Variants in BRINP3 observed in about 807,000 individuals in gnomAD.
The protein encoded by BRINP3 is BMP/retinoic acid-inducible neural-specific protein 3.
BRINP3 carries 19 observed loss-of-function variants against 71.0 expected under a neutral mutation model. The ratio of observed to expected loss-of-function variants is 0.27; its 90% CI spans 0.19 to 0.39. The LOEUF (loss-of-function observed/expected upper bound fraction) is 0.39, where lower values mean the gene tolerates loss of function less well. BRINP3 is among the 10% of genes least tolerant of loss of function. BRINP3 has a pLI of 1.00. For synonymous variants in BRINP3, 380 were observed against 337.7 expected (o/e 1.13, Z -1.37); for missense variants, 959 against 940.8 (o/e 1.02, Z -0.25).
chr1:190,353,725 T>C (rs1480140795), intron 2 of BRINP3, among the ~76,000 whole-genome samples: 2 of 151,944 alleles, frequency 1.3e-5, no homozygotes, highest in Non-Finnish European at 2.9e-5. Context: ...AAACCTCAAC[T>C]TATTGTCACT....
rs879602676 is a variant in BRINP3 at position 190,226,259 on chromosome 1, A to G, written c.784T>C (p.Tyr262His). The G allele has an allele frequency of 7.4e-6, 12 of 1,611,870 alleles. No homozygotes were observed. Among genetic ancestry groups the G allele is most frequent in the South Asian group, 2.2e-5 (2 of 90,890 alleles). Residue 262 changes from tyrosine (Y) to histidine (H), a missense_variant, in exon 6 of 8, where the codon TAC (tyrosine) becomes CAC (histidine). Tyr to His is a moderately conservative substitution (Grantham distance 83). Transcript: ENST00000367462. The part of the protein sequence containing the change: ...QERFVQAALS[Y>H]IACNSEGEFI... ...TCTCCCTCTGAATTGCAAGCAATGT[A>G]GCTCAAAGCTGCTTGTACAAAACGT...
intron 2 of BRINP3, among the ~76,000 whole-genome samples, chr1:190,378,707 A>G (rs868356926): frequency 6.6e-6 from 1 of 152,206 alleles, no homozygotes; most frequent in Admixed American, 6.5e-5. Flanking sequence ...AGTTCTATCC[A>G]GTAAATTTTT....
chr1:190,221,969 AG>A (rs1656930282), intron 6 of BRINP3, among the ~76,000 whole-genome samples: 1 of 152,058 alleles, frequency 6.6e-6, no homozygotes, highest in African/African-American at 2.4e-5. Flanking sequence ...AAATAACAGC[AG>A]GGGAATTTAA....
At position 190,226,064 on chromosome 1, in the gene BRINP3, T is replaced by C. The variant is rs372241341; in HGVS notation, c.961+18A>G. 2.7e-6 allele frequency: 4 copies of C among 1,460,994 alleles called. No individual in the cohort carries two copies. The highest frequency in any genetic ancestry group is 2.9e-5 in the African/African-American group (2 of 69,198). 90.5% of individuals were successfully genotyped at this position (1,460,994 alleles called of 1,614,324 possible). A position where few individuals can be genotyped will look rare whatever the true frequency, so the allele number is the denominator to read the frequency against. On this transcript the variant is annotated intron_variant, in intron 6 of 7. Coordinates refer to ENST00000367462, the MANE Select transcript of BRINP3 (RefSeq NM_199051.3). ...TTTGTCAATATTTAAAAGTGTTATA[T>C]TAAAATACATGTCTTACCTGATTCC... is the stretch of plus-strand genomic sequence containing the variant.
chr1:190,106,899 AT>A lies in BRINP3; in HGVS notation c.1185-7766del, dbSNP rs373604358. On this transcript the variant is annotated intron_variant, in intron 7 of 7. Coordinates refer to ENST00000367462, the MANE Select transcript of BRINP3 (RefSeq NM_199051.3). ...ACCTGAAAACAAATGAAATTGTATA[AT>A]TTAAATAATTTAATGAAATTTTAGT... Among the ~76,000 whole-genome samples, 587 of 151,998 alleles carry A rather than the reference AT, an allele frequency of 3.9e-3. 2 individuals carry two copies. Among genetic ancestry groups the A allele is most frequent in the Non-Finnish European group, 6.8e-3 (462 of 67,816 alleles).
chr1:190,165,311 C>G (rs1398292840), intron 6 of BRINP3, among the ~76,000 whole-genome samples: 1 of 150,564 alleles, frequency 6.6e-6, no homozygotes, highest in African/African-American at 2.4e-5. Context: ...GTGCTCATAA[C>G]AAATTCTAGT....
At chr1:190,449,405 G>A (rs1029345863) in intron 2 of BRINP3, among the ~76,000 whole-genome samples, 2 of 151,912 alleles carry the variant, frequency 1.3e-5, no homozygotes, top group Non-Finnish European at 2.9e-5. Flanking sequence ...TCATGAAGAG[G>A]TAATCTCTCC....
intron 3 of BRINP3, among the ~76,000 whole-genome samples, chr1:190,277,124 T>TATA (rs1317037411): frequency 2.3e-5 from 3 of 132,722 alleles, no homozygotes; most frequent in Admixed American, 7.8e-5. Context: ...TATATTTATA[T>TATA]TCAGAAAAGA....
At chr1:190,423,909 G>A (rs888435135) in intron 2 of BRINP3, among the ~76,000 whole-genome samples, 8 of 151,566 alleles carry the variant, frequency 5.3e-5, no homozygotes, top group East Asian at 3.9e-4. Flanking sequence ...TAAGCAATGC[G>A]AAGCAAGTTT....
intron 1 of BRINP3, among the ~76,000 whole-genome samples, chr1:190,467,392 C>T (rs916905257): frequency 2.0e-5 from 3 of 151,414 alleles, no homozygotes; most frequent in Admixed American, 2.0e-4. Flanking sequence ...CAGAAGTGAT[C>T]GACAACAAGC....
chr1:190,373,168 T>A (rs1188373340), intron 2 of BRINP3, among the ~76,000 whole-genome samples: 1 of 152,080 alleles, frequency 6.6e-6, no homozygotes, highest in African/African-American at 2.4e-5. Context: ...GGTGGGTTGA[T>A]CGCCTGAGGT....
intron 1 of BRINP3, among the ~76,000 whole-genome samples, chr1:190,469,231 T>G (rs755852348): frequency 2.8e-4 from 43 of 151,114 alleles, no homozygotes; most frequent in Non-Finnish European, 4.5e-4. Context: ...GTCTTCTTCC[T>G]CATTATTGTT....
chr1:190,184,295 A>C (rs767121994), intron 6 of BRINP3, among the ~76,000 whole-genome samples: 6 of 152,198 alleles, frequency 3.9e-5, no homozygotes, highest in Non-Finnish European at 8.8e-5. Context: ...AATATAAATT[A>C]GTTCAGCCAC....
intron 7 of BRINP3, among the ~76,000 whole-genome samples, chr1:190,157,025 T>G (rs1297815674): frequency 6.6e-6 from 1 of 151,992 alleles, no homozygotes; most frequent in Non-Finnish European, 1.5e-5. Context: ...AATTGCAGTT[T>G]CTGTTTTTTC....
At chr1:190,277,666 G>C (rs1222656141) in intron 3 of BRINP3, among the ~76,000 whole-genome samples, 1 of 151,166 alleles carries the variant, frequency 6.6e-6, no homozygotes, top group African/African-American at 2.4e-5. Context: ...TTTGTATTTT[G>C]TATTCAGTAC....
At chr1:190,240,702 C>G (rs1381266464) in intron 4 of BRINP3, among the ~76,000 whole-genome samples, 2 of 151,644 alleles carry the variant, frequency 1.3e-5, no homozygotes, top group Non-Finnish European at 2.9e-5. Flanking sequence ...GAAACTCTGT[C>G]TCTACTAAAA....
chr1:190,118,762 A>G (rs1653365601), intron 7 of BRINP3, among the ~76,000 whole-genome samples: 1 of 152,228 alleles, frequency 6.6e-6, no homozygotes, highest in African/African-American at 2.4e-5. Context: ...AACATCAATC[A>G]ATTGTAAAAG....
intron 7 of BRINP3, among the ~76,000 whole-genome samples, chr1:190,133,344 T>C (rs1480306756): frequency 6.6e-6 from 1 of 152,122 alleles, no homozygotes; most frequent in African/African-American, 2.4e-5. Context: ...TTACCAAACA[T>C]CTACTGTCTT....
chr1:190,385,230 A>G (rs367678526), intron 2 of BRINP3, among the ~76,000 whole-genome samples: 3 of 152,130 alleles, frequency 2.0e-5, no homozygotes, highest in South Asian at 2.1e-4. Context: ...ATTGACAAAT[A>G]GGATCTAATT....
Sources: allele counts gnomAD v4.1 joint callset (sites outside exome capture counted in the v4.1 genomes callset), GRCh38; gene constraint gnomAD v4.1.1; transcripts MANE v1.5; gene names NCBI Gene and HGNC (gene_info 2026-07-23, HGNC 2026-07-21).